SNX4: variants seen among roughly 807,000 people sequenced by gnomAD.
The protein encoded by SNX4 is sorting nexin-4.
Under a neutral mutation model 70.8 loss-of-function variants are expected in SNX4, and 49 were observed. That is an observed-to-expected ratio of 0.69 (90% confidence interval 0.55 to 0.88). The LOEUF (loss-of-function observed/expected upper bound fraction) is 0.88. Among genes scored for constraint, SNX4 ranks in the 40% least tolerant of loss-of-function variants. SNX4 has a pLI of 0.00. For missense variants in SNX4, 528 were observed against 544.8 expected, an observed-to-expected ratio of 0.97 and a Z score of 0.31; for synonymous variants, 206 against 183.8, an observed-to-expected ratio of 1.12 and a Z score of -0.98.
chr3:125,520,097 C>T lies in SNX4; in HGVS notation c.76G>A (p.Gly26Arg). ...TCCTTGCCGACCGCAGCCCCCAGCCCAGCGTCTGGGGAGCCCAGCGGCTCC... is the reference window on the plus strand; with the variant it reads ...TCCTTGCCGACCGCAGCCCCCAGCCTAGCGTCTGGGGAGCCCAGCGGCTCC... ...PLEPLGSPDA[G>R]LGAAVGKEAE... is the part of the protein sequence containing the mutation. The change falls in exon 1 of 14, where the codon GGG becomes AGG. Residue 26 changes from glycine to arginine, a missense_variant. Gly to Arg is a moderately radical substitution (Grantham distance 125). Transcript: ENST00000251775. 1 of 1,526,076 alleles carries T rather than the reference C, an allele frequency of 6.6e-7. No individual in the cohort carries two copies. Among genetic ancestry groups the T allele is most frequent in the Non-Finnish European group, 8.8e-7 (1 of 1,140,390 alleles). The allele number at this position is 1,526,076 out of a possible 1,614,324, so 94.5% of individuals were successfully genotyped here.
In SNX4 at chr3:125,497,846, C is replaced by G. The variant is rs766855314; in HGVS notation, c.537G>C (p.Leu179=). The G allele has an allele frequency of 6.2e-6, 10 of 1,600,734 alleles. No individual in the cohort carries two copies. Among genetic ancestry groups the G allele is most frequent in the Middle Eastern group, 3.3e-4 (2 of 6,022 alleles). ...AAAAGAAAAATACCTGTGTTAAAAA[C>G]AGATAGAAGATTTTGTCTCTACAAA... ...PILCRDKIFY[L]FLTQEGNWKE... The change falls in exon 4 of 14, where the codon CTG becomes CTC. Residue 179 remains leucine, a synonymous_variant. Transcript: ENST00000251775.
At position 125,502,817 on chromosome 3, in the gene SNX4, G is replaced by A. The variant is rs567690034; in HGVS notation, c.263+1806C>T. Among the ~76,000 whole-genome samples, 5 of 131,924 alleles carry A rather than the reference G, an allele frequency of 3.8e-5. No homozygotes were observed. The South Asian group carries it at 7.2e-4, about 19-fold the overall frequency. The allele number at this position is 131,924 out of a possible 152,430, so 86.5% of individuals were successfully genotyped here. On this transcript the variant is annotated intron_variant, in intron 2 of 13. Coordinates refer to ENST00000251775, the MANE Select transcript of SNX4 (RefSeq NM_003794.4). ...TGCAGTGAGCCGAGATCGCGCCACC[G>A]CACTCTAGCCTGGGTGACAGAGTGA...
chr3:125,489,367 T>C, intron 6 of SNX4, 41 bp downstream of exon 6: 2 of 1,478,838 alleles, frequency 1.4e-6, no homozygotes, highest in Non-Finnish European at 1.9e-6. Context: ...GATAGCACCA[T>C]TCAAAACAAC....
chr3:125,474,554 G>C (rs1483666328), intron 8 of SNX4, among the ~76,000 whole-genome samples: 1 of 152,130 alleles, frequency 6.6e-6, no homozygotes, highest in East Asian at 1.9e-4. Flanking sequence ...GGCCTCAAGT[G>C]ATCCTCCTTC....
At chr3:125,517,253 G>A (rs1446990440) in intron 1 of SNX4, among the ~76,000 whole-genome samples, 3 of 152,118 alleles carry the variant, frequency 2.0e-5, no homozygotes, top group African/African-American at 7.2e-5. Flanking sequence ...CCATGCTACT[G>A]ACTAGCTTGT....
chr3:125,489,340 G>T, intron 6 of SNX4, 68 bp downstream of exon 6: 2 of 1,214,668 alleles, frequency 1.6e-6, no homozygotes, highest in Non-Finnish European at 2.4e-6. Context: ...ATTCAGAAAT[G>T]AAAAATTAAA....
At chr3:125,447,878 ACCC>A in intron 13 of SNX4, 52 bp from the exon 14 acceptor site, 1 of 1,253,278 alleles carries the variant, frequency 8.0e-7, no homozygotes, top group East Asian at 2.4e-5. Flanking sequence ...GAATCTGAAA[ACCC>A]AAGTACTTGG....
At chr3:125,463,151 A>G (rs1456226386) in intron 9 of SNX4, among the ~76,000 whole-genome samples, 1 of 152,208 alleles carries the variant, frequency 6.6e-6, no homozygotes, top group African/African-American at 2.4e-5. Context: ...AAACTATGCT[A>G]AGGGTCATTT....
At chr3:125,502,979 T>C (rs1291238017) in intron 2 of SNX4, among the ~76,000 whole-genome samples, 5 of 151,116 alleles carry the variant, frequency 3.3e-5, no homozygotes, top group Non-Finnish European at 7.4e-5. Context: ...TGGAGTGCAG[T>C]GGCAATCTCA....
At position 125,457,254 on chromosome 3, in the gene SNX4, G is replaced by A. The variant is rs1933742275; in HGVS notation, c.1044+12C>T. 1 of 1,603,030 alleles carries A rather than the reference G, an allele frequency of 6.2e-7. No individual in the cohort carries two copies. On this transcript the variant is annotated intron_variant, in intron 11 of 13. Coordinates refer to ENST00000251775, the MANE Select transcript of SNX4 (RefSeq NM_003794.4). The stretch of plus-strand genomic sequence containing the variant: ...CTACAGTATCATCAGAGGCCAAAAG[G>A]AAAATACTCACCCCAGTTACCAGTT...
chr3:125,459,878 C>T (rs1293642727), intron 10 of SNX4, among the ~76,000 whole-genome samples: 1 of 151,796 alleles, frequency 6.6e-6, no homozygotes, highest in African/African-American at 2.4e-5. Flanking sequence ...CTCTTGTTTT[C>T]CTAACAGAAT....
In SNX4 at chr3:125,480,190, TACATGAGAAGC is replaced by T. The variant is rs140529442; in HGVS notation, c.726+46_726+56del. 2.2e-3 allele frequency: 2,345 copies of T among 1,071,764 alleles called. 42 individuals carry two copies. The African/African-American group carries it at 0.033, about 15-fold the overall frequency. The allele number at this position is 1,071,764 out of a possible 1,614,324, so 66.4% of individuals were successfully genotyped here. ...ACCTACTACTTGAAAACAGAATGATTACATGAGAAGCACTTCCTTATGCATGTGCATCAAAA... is the reference window on the plus strand; with the variant it reads ...ACCTACTACTTGAAAACAGAATGATTACTTCCTTATGCATGTGCATCAAAA... On this transcript the variant is annotated intron_variant, in intron 7 of 13. Coordinates refer to ENST00000251775, the MANE Select transcript of SNX4 (RefSeq NM_003794.4).
chr3:125,467,253 G>C (rs1302076805), intron 9 of SNX4, among the ~76,000 whole-genome samples: 1 of 152,038 alleles, frequency 6.6e-6, no homozygotes, highest in Non-Finnish European at 1.5e-5. Flanking sequence ...CGGGTGTGGT[G>C]GTGGGCGCCT....
chr3:125,501,619 T>TAA (rs79800894), intron 2 of SNX4, among the ~76,000 whole-genome samples: 1 of 133,738 alleles, frequency 7.5e-6, no homozygotes, highest in African/African-American at 2.8e-5. Context: ...GACTCCACCT[T>TAA]AAAAAAAAAA....
At chr3:125,473,267 A>G (rs1453871031) in intron 8 of SNX4, among the ~76,000 whole-genome samples, 1 of 152,138 alleles carries the variant, frequency 6.6e-6, no homozygotes, top group Non-Finnish European at 1.5e-5. Flanking sequence ...TTAAAAGACT[A>G]ATCAATAACT....
chr3:125,489,997 C>T (rs9827859), intron 5 of SNX4, among the ~76,000 whole-genome samples: 42,915 of 151,804 alleles, frequency 0.28, 6,143 homozygotes, highest in Admixed American at 0.34. Context: ...GGTGTGATGG[C>T]GCGTGCCTGT....
chr3:125,463,754 T>TA (rs1240666126), intron 9 of SNX4, among the ~76,000 whole-genome samples: 1 of 152,222 alleles, frequency 6.6e-6, no homozygotes, highest in Non-Finnish European at 1.5e-5. Flanking sequence ...TGAAGCTAAT[T>TA]AACATATCCA....
rs140579643 is a variant in SNX4 at position 125,469,601 on chromosome 3, G to A, written c.789-82C>T. 7.0e-5 allele frequency: 67 copies of A among 962,128 alleles called. 1 individual carries two copies. In the Admixed American group the frequency reaches 9.2e-4, roughly 13 times the overall value. The allele number at this position is 962,128 out of a possible 1,614,324, so 59.6% of individuals were successfully genotyped here. The stretch of plus-strand genomic sequence containing the variant: ...TAAATGGACTCTTTTCAAGATTCTT[G>A]TCTAGCTAGCTTTAAAATAATGTAT... On this transcript the variant is annotated intron_variant, in intron 8 of 13. Transcript: ENST00000251775.
rs1287324658 is a variant in SNX4 at position 125,447,770 on chromosome 3, T to G, written c.*9A>C. Reference sequence around the variant, plus strand: ...GCACTTTGATTGAAGAGAAATTCAATTCACAGGATTACATCTTGCTAAAGC... The same window carrying G: ...GCACTTTGATTGAAGAGAAATTCAAGTCACAGGATTACATCTTGCTAAAGC... On this transcript the variant is annotated 3_prime_UTR_variant, in exon 14 of 14. Coordinates refer to ENST00000251775, the MANE Select transcript of SNX4 (RefSeq NM_003794.4). The G allele has an allele frequency of 6.3e-7, 1 of 1,584,184 alleles. No homozygotes were observed. Among genetic ancestry groups the G allele is most frequent in the Non-Finnish European group, 8.6e-7 (1 of 1,166,544 alleles).
Sources: allele counts gnomAD v4.1 joint callset (sites outside exome capture counted in the v4.1 genomes callset), GRCh38; gene constraint gnomAD v4.1.1; transcripts MANE v1.5; gene names NCBI Gene and HGNC (gene_info 2026-07-23, HGNC 2026-07-21).